The following CAST variants were observed in gnomAD, a reference collection of about 807,000 sequenced individuals.
CAST encodes the protein MIR583 host.
In CAST, 76 loss-of-function variants were observed where a neutral mutation model predicts 119.6. The observed-to-expected ratio is 0.64, with a 90% CI of 0.53 to 0.77. The LOEUF (loss-of-function observed/expected upper bound fraction) is 0.77. Ranked by LOEUF, CAST falls within the 30% of genes least tolerant of loss-of-function variation. CAST has a pLI of 0.00. For synonymous variants in CAST, 319 were observed against 331.6 expected, an observed-to-expected ratio of 0.96 and a Z score of 0.41; for missense variants, 953 against 946.5, an observed-to-expected ratio of 1.01 and a Z score of -0.09.
the CAST span, among the ~76,000 whole-genome samples, chr5:95,971,943 G>GTTTATTTCT: frequency 6.7e-6 from 1 of 149,340 alleles, no homozygotes; most frequent in South Asian, 2.1e-4. Flanking sequence ...TGTCTTCTTT[G>GTTTATTTCT]TTTATTTCTT....
In CAST at chr5:96,630,176, G is replaced by T. The variant is rs955654966; in HGVS notation, c.61-45363G>T. ...TCCGAGCTTACAGTCTATGGTTAGAGACAAAAATCCAGCAAAGAAGCAATT... is the reference window on the plus strand; with the variant it reads ...TCCGAGCTTACAGTCTATGGTTAGATACAAAAATCCAGCAAAGAAGCAATT... On this transcript the variant is annotated intron_variant, in intron 1 of 11. Transcript: ENST00000505143. Among the ~76,000 whole-genome samples the T allele has an allele frequency of 2.6e-5, 4 of 152,284 alleles. 1 individual carries two copies. The highest frequency in any genetic ancestry group is 2.6e-4 in the Admixed American group (4 of 15,290).
chr5:96,312,079 G>C, the CAST span, among the ~76,000 whole-genome samples: 1 of 151,128 alleles, frequency 6.6e-6, no homozygotes, highest in Non-Finnish European at 1.5e-5. Context: ...TGTTTTGTTT[G>C]TCTCCTACAG....
chr5:96,673,282 G>A (rs571482784), intron 1 of CAST, among the ~76,000 whole-genome samples: 3 of 152,258 alleles, frequency 2.0e-5, no homozygotes, highest in Middle Eastern at 3.4e-3. Flanking sequence ...TTTTAGAGAT[G>A]TTTAAAGAAA....
intron 18 of CAST, among the ~76,000 whole-genome samples, chr5:96,747,885 T>G (rs1764115642): frequency 6.6e-6 from 1 of 152,134 alleles, no homozygotes; most frequent in South Asian, 2.1e-4. Flanking sequence ...GTGAGGAAAT[T>G]GAGACACAGA....
chr5:96,572,715 G>T (rs910360301), intron 1 of CAST, among the ~76,000 whole-genome samples: 1 of 152,088 alleles, frequency 6.6e-6, no homozygotes, highest in African/African-American at 2.4e-5. Flanking sequence ...GACTCGCCTG[G>T]GTCCCTGGGC....
At chr5:96,082,625 T>C in the CAST span, among the ~76,000 whole-genome samples, 1 of 152,230 alleles carries the variant, frequency 6.6e-6, no homozygotes, top group African/African-American at 2.4e-5. Context: ...CAGAGTGTTC[T>C]CTGCTCATTT....
intron 1 of CAST, among the ~76,000 whole-genome samples, chr5:96,618,897 A>T (rs1747530281): frequency 6.6e-6 from 1 of 152,204 alleles, no homozygotes; most frequent in Non-Finnish European, 1.5e-5. Flanking sequence ...CCGGCACAGG[A>T]TCCACTAGGT....
the CAST span, among the ~76,000 whole-genome samples, chr5:96,469,429 T>C: frequency 6.6e-6 from 1 of 151,878 alleles, no homozygotes. Flanking sequence ...TCCTTTCTCC[T>C]ATAGGAATTT....
At chr5:96,630,438 G>A (rs1351194606) in intron 1 of CAST, among the ~76,000 whole-genome samples, 1 of 152,162 alleles carries the variant, frequency 6.6e-6, no homozygotes, top group Non-Finnish European at 1.5e-5. Context: ...TCTGAGCTAA[G>A]CATTAAAATA....
intron 1 of CAST, among the ~76,000 whole-genome samples, chr5:96,644,789 A>AC (rs1747995278): frequency 6.6e-6 from 1 of 152,246 alleles, no homozygotes; most frequent in Admixed American, 6.5e-5. Context: ...AGCCTGGCCA[A>AC]CATGGTGAAA....
the CAST span, among the ~76,000 whole-genome samples, chr5:96,170,550 C>T: frequency 6.6e-6 from 1 of 152,180 alleles, no homozygotes; most frequent in Non-Finnish European, 1.5e-5. Flanking sequence ...GGTTTGAGGG[C>T]TGGAATTTAA....
At chr5:96,551,387 C>A (rs1358107134) in intron 1 of CAST, among the ~76,000 whole-genome samples, 1 of 152,196 alleles carries the variant, frequency 6.6e-6, no homozygotes, top group East Asian at 1.9e-4. Flanking sequence ...TTGTCACCCC[C>A]AGGCCTGCCT....
chr5:96,416,959 G>A, the CAST span, among the ~76,000 whole-genome samples: 4 of 152,186 alleles, frequency 2.6e-5, no homozygotes, highest in Non-Finnish European at 4.4e-5. Flanking sequence ...CAAGCCAAAA[G>A]CACATTAATG....
the CAST span, among the ~76,000 whole-genome samples, chr5:96,478,234 G>A: frequency 1.3e-5 from 2 of 152,228 alleles, no homozygotes; most frequent in African/African-American, 2.4e-5. Context: ...CCAATAGGGA[G>A]TGATAGTATC....
At chr5:96,221,270 A>C in the CAST span, among the ~76,000 whole-genome samples, 3 of 152,162 alleles carry the variant, frequency 2.0e-5, no homozygotes, top group African/African-American at 7.2e-5. Flanking sequence ...TAGCCAGAGC[A>C]ATCAGGCAAG....
chr5:96,560,092 A>T (rs1746324724), intron 1 of CAST, among the ~76,000 whole-genome samples: 1 of 152,340 alleles, frequency 6.6e-6, no homozygotes, highest in Admixed American at 6.5e-5. Context: ...CCTGACAAAA[A>T]CAAGAAATAG....
the CAST span, among the ~76,000 whole-genome samples, chr5:96,503,917 AAG>A: frequency 6.6e-6 from 1 of 152,192 alleles, no homozygotes; most frequent in Non-Finnish European, 1.5e-5. Flanking sequence ...AAAAAAGAAG[AAG>A]AAAATGGAAA....
At chr5:96,536,596 G>A (rs546261681) in intron 1 of CAST, among the ~76,000 whole-genome samples, 6 of 152,264 alleles carry the variant, frequency 3.9e-5, no homozygotes, top group South Asian at 4.2e-4. Flanking sequence ...TAAGGTACAG[G>A]TATGGCAGTT....
At chr5:96,551,492 A>C (rs1443157401) in intron 1 of CAST, among the ~76,000 whole-genome samples, 2 of 152,226 alleles carry the variant, frequency 1.3e-5, no homozygotes, top group Admixed American at 6.5e-5. Flanking sequence ...CATCGACACT[A>C]TGAAGAAACT....
Sources: allele counts gnomAD v4.1 joint callset (sites outside exome capture counted in the v4.1 genomes callset), GRCh38; gene constraint gnomAD v4.1.1; transcripts MANE v1.5; gene names NCBI Gene and HGNC (gene_info 2026-07-23, HGNC 2026-07-21).